The following MYH3 variants were observed in gnomAD, a reference collection of about 807,000 sequenced individuals.
The protein encoded by MYH3 is myosin heavy chain 3.
A neutral mutation model predicts 238.0 loss-of-function variants in MYH3; 130 were observed. That is an observed-to-expected ratio of 0.55 (90% CI 0.47 to 0.63). The LOEUF is 0.63. Ranked by LOEUF, MYH3 falls within the 30% of genes least tolerant of loss-of-function variation. The pLI is 0.00. For missense variants in MYH3, 1,853 were observed against 2,374.9 expected (o/e 0.78, Z 4.57); for synonymous variants, 880 against 924.1 (o/e 0.95, Z 0.86).
chr17:10,671,008 G>A, the MYH3 span, among the ~76,000 whole-genome samples: 24 of 152,216 alleles, frequency 1.6e-4, no homozygotes, highest in African/African-American at 5.3e-4. Flanking sequence ...TCCTGCCTCA[G>A]CCTCCCTGAG....
the MYH3 span, chr17:10,672,726 C>T: frequency 6.6e-6 from 1 of 152,170 alleles, no homozygotes; most frequent in African/African-American, 2.4e-5. Flanking sequence ...CACCAAGGAA[C>T]AAACTATTTT....
intron 28 of MYH3, 96 bp from the exon 29 acceptor site, chr17:10,635,949 A>G: frequency 3.9e-6 from 4 of 1,031,252 alleles, no homozygotes; most frequent in Non-Finnish European, 6.1e-6. Context: ...ATCTGGGGAG[A>G]CAGAAAATGA....
chr17:10,651,333 G>A (rs1041268638), intron 5 of MYH3, among the ~76,000 whole-genome samples, 179 bp downstream of exon 5: 14 of 152,100 alleles, frequency 9.2e-5, no homozygotes, highest in South Asian at 2.1e-4. Context: ...TCCAAAACTC[G>A]TCACCTTGGC....
At chr17:10,648,112 C>T (rs1338525306) in intron 8 of MYH3, among the ~76,000 whole-genome samples, 2 of 152,140 alleles carry the variant, frequency 1.3e-5, no homozygotes, top group African/African-American at 4.8e-5. Context: ...TCCCACATGA[C>T]CAGGTCTCTC....
rs1437758741 is a variant in MYH3, at chr17:10,641,089, G to T, written c.2161C>A (p.Gln721Lys). Residue 721 changes from glutamine (Q) to lysine (K), a missense_variant, in exon 19 of 41, where the codon CAA becomes AAA. Coordinates refer to ENST00000583535, the MANE Select transcript of MYH3 (RefSeq NM_002470.4). ...TAGAACATGTTTATTACACACCTTT[G>T]TTTAAAATCGCCATAGAGAATCCTG... ...PNRILYGDFK[Q>K]RYRVLNASAI... 1.3e-6 allele frequency: 2 copies of T among 1,596,342 alleles called. No individual in the cohort carries two copies. The highest frequency in any genetic ancestry group is 1.1e-5 in the South Asian group (1 of 90,730).
intron 14 of MYH3, 62 bp from the exon 15 acceptor site, chr17:10,643,058 A>G: frequency 1.2e-6 from 2 of 1,613,718 alleles, no homozygotes; most frequent in South Asian, 2.2e-5. Context: ...AAAGACTGTC[A>G]ACATTCCTCC....
intron 8 of MYH3, 85 bp from the exon 9 acceptor site, chr17:10,647,511 G>T: frequency 7.0e-7 from 1 of 1,428,490 alleles, no homozygotes; most frequent in South Asian, 1.2e-5. Context: ...TTGAGTAGGA[G>T]CCTAGTCCCC....
chr17:10,653,528 GGCACCATGAGGCAGAGCAGTGGTTCTGA>G (rs2074399037), intron 3 of MYH3, among the ~76,000 whole-genome samples: 1 of 152,064 alleles, frequency 6.6e-6, no homozygotes, highest in Non-Finnish European at 1.5e-5. Context: ...CCAGGCAAAC[GGCACCATGAGGCAGAGCAGTGGTTCTGA>G]GCACCTGCAC....
the MYH3 span, chr17:10,677,322 A>T: frequency 6.6e-6 from 1 of 152,140 alleles, no homozygotes. Flanking sequence ...AAAAGAAACA[A>T]ATAACAACAA....
At chr17:10,668,363 C>G in the MYH3 span, among the ~76,000 whole-genome samples, 1 of 152,208 alleles carries the variant, frequency 6.6e-6, no homozygotes, top group Non-Finnish European at 1.5e-5. Context: ...CCACTGTACT[C>G]CAGCCTGGGG....
intron 40 of MYH3, 23 bp downstream of exon 40, chr17:10,629,574 C>T (rs369516937): frequency 6.2e-7 from 1 of 1,612,250 alleles, no homozygotes; most frequent in Non-Finnish European, 8.5e-7. Flanking sequence ...TGGGGGGGGG[C>T]TCCTCCCAGC....
intron 30 of MYH3, 151 bp downstream of exon 30, chr17:10,635,216 T>A: frequency 7.1e-7 from 1 of 1,403,716 alleles, no homozygotes; most frequent in Non-Finnish European, 9.7e-7. Context: ...TCAAAGCTGT[T>A]TGTTTTAATA....
At chr17:10,668,586 T>G in the MYH3 span, among the ~76,000 whole-genome samples, 1 of 152,136 alleles carries the variant, frequency 6.6e-6, no homozygotes, top group Non-Finnish European at 1.5e-5. Context: ...TTGAAGAAAT[T>G]TGAACATAAA....
chr17:10,672,591 G>C, the MYH3 span: 3 of 152,300 alleles, frequency 2.0e-5, no homozygotes, highest in East Asian at 1.9e-4. Context: ...CCAAGACACA[G>C]ATCATTTTTA....
Position 10,639,136 on chromosome 17 carries a change from G to C in MYH3, c.3156C>G (p.Asn1052Lys). ...TCAAGTCTCCTTCCAATTTCCTTTT[G>C]TTCCTTTCCAGGTCTACTCGGAGCT... is the stretch of plus-strand genomic sequence containing the variant. ...EKKLRVDLERNKRKLEGDLKL... is the reference protein window; with the variant it reads ...EKKLRVDLERKKRKLEGDLKL... Residue 1052 changes from asparagine to lysine, a missense_variant, in exon 25 of 41, where the codon AAC becomes AAG. This residue lies in a region of MYH3 where 1,044 missense variants were observed against 1,192.6 expected (regional missense o/e 0.88). Transcript: ENST00000583535. 6.2e-7 allele frequency: 1 copy of C among 1,614,076 alleles called. No homozygotes were observed. The highest frequency in any genetic ancestry group is 8.5e-7 in the Non-Finnish European group (1 of 1,179,964).
At chr17:10,652,607 GTCTTTTTTT>G in intron 3 of MYH3, 44 bp from the exon 4 acceptor site, 2 of 605,254 alleles carry the variant, frequency 3.3e-6, no homozygotes, top group Non-Finnish European at 5.3e-6. Flanking sequence ...TGGTCTGCAC[GTCTTTTTTT>G]TTTTTTTTTT....
Position 10,640,239 on chromosome 17 carries a change from G to A in MYH3, c.2439C>T (p.Phe813=). 3 of 1,614,214 alleles carry A rather than the reference G, an allele frequency of 1.9e-6. No individual in the cohort carries two copies. Among genetic ancestry groups the A allele is most frequent in the African/African-American group, 1.3e-5 (1 of 75,076 alleles). ...QKMVQRRESI[F]CIQYNIRSFM... is the part of the protein sequence containing the mutation. ...ATGAGCGAATGTTGTACTGGATGCA[G>A]AAGATGGACTCCCTAAAAACAAGAC... Residue 813 remains phenylalanine, a synonymous_variant, in exon 22 of 41, where the codon TTC becomes TTT. Coordinates refer to ENST00000583535, the MANE Select transcript of MYH3 (RefSeq NM_002470.4).
chr17:10,631,765 G>A (rs780826609), intron 35 of MYH3, 29 bp from the exon 36 acceptor site: 2 of 1,614,118 alleles, frequency 1.2e-6, no homozygotes, highest in South Asian at 2.2e-5. Flanking sequence ...TGTTAACCAG[G>A]TGCGTATGAG....
At chr17:10,660,664 G>A (rs1162020592), upstream of MYH3, among the ~76,000 whole-genome samples, 2 of 137,010 alleles carry the variant, frequency 1.5e-5, no homozygotes, top group African/African-American at 3.0e-5. Flanking sequence ...GCGACAGAGT[G>A]AGACTCTGAC....
Sources: allele counts gnomAD v4.1 joint callset (sites outside exome capture counted in the v4.1 genomes callset), GRCh38; gene constraint gnomAD v4.1.1; regional missense constraint gnomAD v4.1.1; transcripts MANE v1.5; gene names NCBI Gene and HGNC (gene_info 2026-07-23, HGNC 2026-07-21).